The following GABRA6 variants were observed in gnomAD, a reference collection of about 807,000 sequenced individuals.
GABRA6 encodes the protein gamma-aminobutyric acid receptor subunit alpha-6.
Under a neutral mutation model 47.3 loss-of-function variants are expected in GABRA6, and 45 were observed. The observed-to-expected ratio is 0.95, with a 90% CI of 0.75 to 1.22. GABRA6 has a LOEUF of 1.22. Ranked by LOEUF, GABRA6 falls within the 50% of genes most tolerant of loss-of-function variation. The pLI, the probability that GABRA6 is intolerant of heterozygous loss-of-function variation, is 0.00. For synonymous variants in GABRA6, 219 were observed against 194.7 expected (o/e 1.12, Z -1.04); for missense variants, 583 against 549.3 (o/e 1.06, Z -0.61).
chr5:161,694,707 A>G (rs925331654), intron 8 of GABRA6, among the ~76,000 whole-genome samples: 2 of 152,058 alleles, frequency 1.3e-5, no homozygotes, highest in Admixed American at 6.6e-5. Context: ...ACCTGGTTTT[A>G]CTTAAAATGT....
At chr5:161,690,026 G>C (rs1454432048) in intron 6 of GABRA6, 175 bp from the exon 7 acceptor site, 5 of 687,236 alleles carry the variant, frequency 7.3e-6, no homozygotes, top group Admixed American at 4.7e-5. Flanking sequence ...ATAAGTTGAT[G>C]TGTCTCTTCG....
chr5:161,700,847 C>T (rs372237445), intron 8 of GABRA6, among the ~76,000 whole-genome samples: 10 of 152,158 alleles, frequency 6.6e-5, no homozygotes, highest in African/African-American at 2.2e-4. Context: ...TATAGAAATT[C>T]TGAGCTAAGA....
intron 3 of GABRA6, 111 bp downstream of exon 3, chr5:161,687,114 A>G (rs1754716453): frequency 2.6e-5 from 22 of 859,596 alleles, no homozygotes; most frequent in South Asian, 1.9e-4. Flanking sequence ...TTCATGACAC[A>G]ATATTTGTAT....
rs1373811033 is a variant in GABRA6, at chr5:161,701,618, A to T, written c.1207A>T (p.Thr403Ser). ...RAPILQSTPVTPPPLSPAFGG... is the reference protein window; with the variant it reads ...RAPILQSTPVSPPPLSPAFGG... ...GCCCATCTTACAATCAACACCTGTC[A>T]CACCCCCACCACTCTCGCCAGCCTT... The change falls in exon 9 of 9, where the codon ACA becomes TCA. Residue 403 changes from threonine (T) to serine (S), a missense_variant. Transcript: ENST00000274545. 6.2e-7 allele frequency: 1 copy of T among 1,614,106 alleles called. No homozygotes were observed. Among genetic ancestry groups the T allele is most frequent in the Admixed American group, 1.7e-5 (1 of 60,006 alleles).
rs1417677147 is a variant in GABRA6, at chr5:161,690,481, G to A, written c.826+128G>A. 8.4e-5 allele frequency: 82 copies of A among 972,782 alleles called. No individual in the cohort carries two copies. The South Asian group carries it at 9.1e-4, about 11-fold the overall frequency. The allele number at this position is 972,782 out of a possible 1,614,324, so 60.3% of individuals were successfully genotyped here. On this transcript the variant is annotated intron_variant, in intron 7 of 8. Transcript: ENST00000274545. ...AGAAAATAGGTTCCTGTCTCATCCA[G>A]ACATATGTATCATGCAAAATCACTG...
rs1030150469 is a variant in GABRA6, at chr5:161,701,977, A to C, written c.*204A>C. 6 of 596,042 alleles carry C rather than the reference A, an allele frequency of 1.0e-5. No homozygotes were observed. In the Admixed American group the frequency reaches 1.8e-4, roughly 18 times the overall value. 36.9% of individuals were successfully genotyped at this position (596,042 alleles called of 1,614,324 possible). A position where few individuals can be genotyped will look rare whatever the true frequency, so the allele number is the denominator to read the frequency against. ...ATAGAAAGTTGAAGATTGCTGAAAA[A>C]TATGACTTTTCTGTATGTTAGAGAA... On this transcript the variant is annotated 3_prime_UTR_variant, in exon 9 of 9. Transcript: ENST00000274545.
intron 8 of GABRA6, among the ~76,000 whole-genome samples, chr5:161,694,835 AG>A (rs1412990295): frequency 6.6e-6 from 1 of 152,188 alleles, no homozygotes; most frequent in East Asian, 1.9e-4. Context: ...AACTAAATAT[AG>A]GTGATTACAT....
At chr5:161,688,426 A>G (rs944169032) in intron 3 of GABRA6, among the ~76,000 whole-genome samples, 3 of 152,166 alleles carry the variant, frequency 2.0e-5, no homozygotes, top group African/African-American at 4.8e-5. Context: ...ACTTGTTTAT[A>G]TGTTCCCTGA....
chr5:161,689,063 C>G lies in GABRA6; in HGVS notation c.340C>G (p.Pro114Ala). ...NNLMVSKIWT[P>A]DTFFRNGKKS... ...TTTGATGGTCAGTAAAATCTGGACG[C>G]CTGACACCTTTTTCAGAAATGGTAA... Residue 114 changes from proline (P) to alanine (A), a missense_variant, in exon 4 of 9, where the codon CCT becomes GCT. Physicochemically the swap from Pro to Ala is conservative, Grantham distance 27 (BLOSUM62 -1). Coordinates refer to ENST00000274545, the MANE Select transcript of GABRA6 (RefSeq NM_000811.3). 6.2e-7 allele frequency: 1 copy of G among 1,613,946 alleles called. No homozygotes were observed. Among genetic ancestry groups the G allele is most frequent in the Non-Finnish European group, 8.5e-7 (1 of 1,179,940 alleles).
chr5:161,688,872 G>C, intron 3 of GABRA6, 77 bp from the exon 4 acceptor site: 1 of 1,205,152 alleles, frequency 8.3e-7, no homozygotes, highest in Non-Finnish European at 1.2e-6. Context: ...TTTTGAGATT[G>C]GGTGTATAGG....
At chr5:161,697,207 GAC>G (rs1453912547) in intron 8 of GABRA6, among the ~76,000 whole-genome samples, 1 of 152,172 alleles carries the variant, frequency 6.6e-6, no homozygotes, top group African/African-American at 2.4e-5. Context: ...TCAAAACAGT[GAC>G]AGCCCCAAGC....
rs1447497229 is a variant in GABRA6, at chr5:161,692,113, G to C, written c.999G>C (p.Gln333His). Residue 333 changes from glutamine (Q) to histidine (H), a missense_variant, in exon 8 of 9, where the codon CAG (glutamine) becomes CAC (histidine). Coordinates refer to ENST00000274545, the MANE Select transcript of GABRA6 (RefSeq NM_000811.3). ...AVNYFTNLQT[Q>H]KAKRKAQFAA... The stretch of plus-strand genomic sequence containing the variant: ...ACTACTTTACCAATCTTCAGACACA[G>C]AAGGCCAAAAGGAAGGCACAGTTTG... The C allele has an allele frequency of 1.2e-6, 2 of 1,614,126 alleles. No homozygotes were observed. The highest frequency in any genetic ancestry group is 1.1e-5 in the South Asian group (1 of 91,084).
chr5:161,693,032 C>A (rs1042456122), intron 8 of GABRA6, among the ~76,000 whole-genome samples: 5 of 152,030 alleles, frequency 3.3e-5, no homozygotes, highest in Non-Finnish European at 7.4e-5. Context: ...TAAAGAGTAG[C>A]TGTTAGAAGA....
chr5:161,691,330 C>T (rs1754787154), intron 7 of GABRA6, among the ~76,000 whole-genome samples: 1 of 113,998 alleles, frequency 8.8e-6, no homozygotes, highest in South Asian at 3.1e-4. Context: ...GAGTGTCCGT[C>T]TGTCGCACAG....
intron 3 of GABRA6, chr5:161,687,289 T>C (rs1321911627): frequency 1.4e-5 from 6 of 443,032 alleles, no homozygotes; most frequent in Non-Finnish European, 2.1e-5. Flanking sequence ...GATTTTCCCC[T>C]TTCTTTGTGA....
chr5:161,700,343 G>C (rs998271077), intron 8 of GABRA6, among the ~76,000 whole-genome samples: 5 of 152,170 alleles, frequency 3.3e-5, no homozygotes, highest in African/African-American at 9.7e-5. Flanking sequence ...ACAATATCAG[G>C]GGTAATGCAC....
intron 7 of GABRA6, among the ~76,000 whole-genome samples, chr5:161,691,737 G>A (rs958251745): frequency 6.6e-6 from 1 of 151,854 alleles, no homozygotes; most frequent in African/African-American, 2.4e-5. Context: ...CAGTTATAAT[G>A]TATGTCACTT....
intron 8 of GABRA6, among the ~76,000 whole-genome samples, chr5:161,699,214 C>A (rs1754936039): frequency 6.6e-6 from 1 of 152,064 alleles, no homozygotes; most frequent in African/African-American, 2.4e-5. Context: ...TGTTAAAAGT[C>A]AAAATGAGTG....
intron 8 of GABRA6, among the ~76,000 whole-genome samples, 181 bp downstream of exon 8, chr5:161,692,381 A>G (rs1754809919): frequency 6.6e-6 from 1 of 152,118 alleles, no homozygotes; most frequent in South Asian, 2.1e-4. Context: ...ACAATCCTTC[A>G]TTTATCTTTG....
Sources: allele counts gnomAD v4.1 joint callset (sites outside exome capture counted in the v4.1 genomes callset), GRCh38; gene constraint gnomAD v4.1.1; transcripts MANE v1.5; gene names NCBI Gene and HGNC (gene_info 2026-07-23, HGNC 2026-07-21).